The following ASIC2 variants were observed in gnomAD, a reference collection of about 807,000 sequenced individuals.
ASIC2 encodes the protein acid-sensing ion channel 2.
ASIC2 carries 25 observed loss-of-function variants against 57.3 expected under a neutral mutation model. That is an observed-to-expected ratio of 0.44 (90% CI 0.32 to 0.61). ASIC2 has a LOEUF of 0.61. ASIC2 is among the 20% of genes least tolerant of loss of function. The pLI, the probability that ASIC2 is intolerant of heterozygous loss-of-function variation, is 0.06. For synonymous variants in ASIC2, 319 were observed against 307.5 expected (o/e 1.04, Z -0.39); for missense variants, 641 against 738.1 (o/e 0.87, Z 1.52).
intron 2 of ASIC2, among the ~76,000 whole-genome samples, chr17:33,096,581 G>A (rs1404111734): frequency 2.6e-5 from 4 of 152,174 alleles, no homozygotes; most frequent in Non-Finnish European, 2.9e-5. Flanking sequence ...ACAGCATGGT[G>A]AAGTCTCTGT....
At chr17:33,548,353 C>T (rs1266176968) in intron 1 of ASIC2, among the ~76,000 whole-genome samples, 1 of 152,170 alleles carries the variant, frequency 6.6e-6, no homozygotes. Flanking sequence ...ACATTTCGTT[C>T]CCCTTTATGG....
At chr17:33,920,476 G>A (rs1457884962) in intron 1 of ASIC2, among the ~76,000 whole-genome samples, 2 of 152,100 alleles carry the variant, frequency 1.3e-5, no homozygotes, top group African/African-American at 4.8e-5. Context: ...AAATACCACA[G>A]GTTCTCACTT....
intron 1 of ASIC2, among the ~76,000 whole-genome samples, chr17:33,689,640 C>T (rs1306981132): frequency 6.6e-6 from 1 of 152,160 alleles, no homozygotes; most frequent in Non-Finnish European, 1.5e-5. Flanking sequence ...TATGCCATGT[C>T]CAGATCCCTG....
rs550300144 is a variant in ASIC2 at position 33,101,852 on chromosome 17, G to GT, written c.859+10064dup. Among the ~76,000 whole-genome samples, 90 of 150,620 alleles carry GT rather than the reference G, an allele frequency of 6.0e-4. 2 individuals are homozygous for GT. Among genetic ancestry groups the GT allele is most frequent in the South Asian group, 4.2e-3 (20 of 4,726 alleles). ...GCGAAATAAATATTTTGTTTTTCCT[G>GT]TTTTTTTTTCCATTTTGTTTTGTTT... On this transcript the variant is annotated intron_variant, in intron 2 of 9. Transcript: ENST00000225823.
rs539579471 is a variant in ASIC2, at chr17:33,040,757, A to G, written c.988-12365T>C. Reference sequence around the variant, plus strand: ...CTTTGCAGTCTGTTTTTCAGACAGCATAGTCAAAAGGAGTGTTCAGCTTGC... The same window carrying G: ...CTTTGCAGTCTGTTTTTCAGACAGCGTAGTCAAAAGGAGTGTTCAGCTTGC... On this transcript the variant is annotated intron_variant, in intron 3 of 9. Coordinates refer to ENST00000225823, the MANE Select transcript of ASIC2 (RefSeq NM_183377.2). 9.2e-5 allele frequency among the ~76,000 whole-genome samples: 14 copies of G among 152,358 alleles called. No individual in the cohort carries two copies. The South Asian group carries it at 2.9e-3, about 32-fold the overall frequency.
chr17:33,308,413 C>T (rs1906271139), intron 1 of ASIC2, among the ~76,000 whole-genome samples: 1 of 152,172 alleles, frequency 6.6e-6, no homozygotes, highest in South Asian at 2.1e-4. Flanking sequence ...CCTTGCTCTT[C>T]TACATCTTCT....
At chr17:33,267,082 T>G (rs1365925682) in intron 1 of ASIC2, among the ~76,000 whole-genome samples, 1 of 151,954 alleles carries the variant, frequency 6.6e-6, no homozygotes, top group Admixed American at 6.5e-5. Context: ...TTAACATGGG[T>G]AGAAGTTTGG....
intron 2 of ASIC2, among the ~76,000 whole-genome samples, chr17:33,099,258 C>T (rs2092200258): frequency 1.3e-5 from 2 of 152,074 alleles, no homozygotes; most frequent in Non-Finnish European, 2.9e-5. Context: ...CTCAGGCGAT[C>T]CACCTGCCTC....
chr17:33,974,605 T>TATAC (rs1905317179), intron 1 of ASIC2, among the ~76,000 whole-genome samples: 4 of 145,330 alleles, frequency 2.8e-5, no homozygotes, highest in African/African-American at 7.7e-5. Context: ...GGAACCTATC[T>TATAC]ATCCATCCAT....
chr17:33,967,001 G>A (rs1000877761), intron 1 of ASIC2, among the ~76,000 whole-genome samples: 1 of 151,982 alleles, frequency 6.6e-6, no homozygotes, highest in African/African-American at 2.4e-5. Context: ...AGTGGTCCCA[G>A]TGACACCTCA....
chr17:34,032,260 C>T (rs981346969), intron 1 of ASIC2, among the ~76,000 whole-genome samples: 13 of 152,132 alleles, frequency 8.5e-5, no homozygotes, highest in African/African-American at 2.9e-4. Context: ...TCCAGCCAAA[C>T]TAAGCTTCAT....
chr17:33,298,629 G>A (rs1209380245), intron 1 of ASIC2, among the ~76,000 whole-genome samples: 2 of 152,104 alleles, frequency 1.3e-5, no homozygotes, highest in Admixed American at 1.3e-4. Context: ...GGGATGGCTG[G>A]GTCAAATGGT....
intron 1 of ASIC2, among the ~76,000 whole-genome samples, chr17:33,342,302 A>G (rs1041818195): frequency 1.3e-5 from 2 of 149,734 alleles, no homozygotes; most frequent in Non-Finnish European, 2.9e-5. Flanking sequence ...TTTTGTGGAG[A>G]GTCGAGTGTG....
intron 1 of ASIC2, among the ~76,000 whole-genome samples, chr17:33,562,368 T>C (rs983879574): frequency 2.6e-5 from 4 of 152,224 alleles, no homozygotes; most frequent in African/African-American, 9.7e-5. Flanking sequence ...AAATGCTTGT[T>C]AAATGATTGA....
At chr17:33,226,319 A>G (rs139905828) in intron 1 of ASIC2, among the ~76,000 whole-genome samples, 12 of 152,342 alleles carry the variant, frequency 7.9e-5, no homozygotes, top group Non-Finnish European at 1.5e-4. Context: ...CAGAAGTACT[A>G]TACACTAACT....
At chr17:33,584,035 T>C (rs1567660250) in intron 1 of ASIC2, among the ~76,000 whole-genome samples, 1 of 152,218 alleles carries the variant, frequency 6.6e-6, no homozygotes, top group Non-Finnish European at 1.5e-5. Context: ...TCCTGTGCCC[T>C]AGCCTTGAAC....
intron 1 of ASIC2, chr17:33,131,889 G>C (rs2092347608): frequency 6.6e-6 from 1 of 152,256 alleles, no homozygotes; most frequent in South Asian, 2.1e-4. Flanking sequence ...AAGGGAATTA[G>C]AGCCAGACAC....
intron 1 of ASIC2, among the ~76,000 whole-genome samples, chr17:33,318,223 C>A (rs1203381577): frequency 6.6e-6 from 1 of 152,132 alleles, no homozygotes; most frequent in Non-Finnish European, 1.5e-5. Context: ...TCCAGACATG[C>A]TCTTTGGGTT....
At chr17:33,054,057 CT>C (rs1006509285) in intron 3 of ASIC2, among the ~76,000 whole-genome samples, 10 of 152,102 alleles carry the variant, frequency 6.6e-5, no homozygotes, top group African/African-American at 2.4e-4. Context: ...ATTGTTCTTT[CT>C]GCTTGTCAGC....
Sources: allele counts gnomAD v4.1 joint callset (sites outside exome capture counted in the v4.1 genomes callset), GRCh38; gene constraint gnomAD v4.1.1; transcripts MANE v1.5; gene names NCBI Gene and HGNC (gene_info 2026-07-23, HGNC 2026-07-21).